PROX1: variants seen among roughly 807,000 people sequenced by gnomAD.
PROX1 encodes prospero homeobox protein 1.
A neutral mutation model predicts 58.8 loss-of-function variants in PROX1; 7 were observed. The ratio of observed to expected loss-of-function variants is 0.12; its 90% CI spans 0.07 to 0.22. The LOEUF (loss-of-function observed/expected upper bound fraction) is 0.22, where lower values mean the gene tolerates loss of function less well. PROX1 is among the 10% of genes least tolerant of loss of function. The pLI is 1.00. For synonymous variants in PROX1, 350 were observed against 358.3 expected, an observed-to-expected ratio of 0.98 and a Z score of 0.26; for missense variants, 675 against 927.8, an observed-to-expected ratio of 0.73 and a Z score of 3.54.
chr1:213,991,563 T>C (rs1407707161), intron 1 of PROX1, among the ~76,000 whole-genome samples: 1 of 152,246 alleles, frequency 6.6e-6, no homozygotes, highest in Admixed American at 6.5e-5. Flanking sequence ...ATATTTTATG[T>C]GTCCATTATG....
rs1017650991 is a variant in PROX1 at position 214,040,204 on chromosome 1, T to C, written c.*4370T>C. 1.3e-5 allele frequency: 2 copies of C among 152,212 alleles called. No individual in the cohort carries two copies. The highest frequency in any genetic ancestry group is 4.8e-5 in the African/African-American group (2 of 41,450). 9.4% of individuals were successfully genotyped at this position (152,212 alleles called of 1,614,324 possible). A position where few individuals can be genotyped will look rare whatever the true frequency, so the allele number is the denominator to read the frequency against. Reference sequence around the variant, plus strand: ...GTAGATCTGTTGGTTGTAAACCATCTATAAAACTAAAGCTAAAATGCTCAT... The same window carrying C: ...GTAGATCTGTTGGTTGTAAACCATCCATAAAACTAAAGCTAAAATGCTCAT... On this transcript the variant is annotated 3_prime_UTR_variant, in exon 5 of 5. Coordinates refer to ENST00000366958, the MANE Select transcript of PROX1 (RefSeq NM_001270616.2).
At chr1:214,012,284 TG>T (rs1663937122) in intron 4 of PROX1, among the ~76,000 whole-genome samples, 1 of 152,194 alleles carries the variant, frequency 6.6e-6, no homozygotes, top group African/African-American at 2.4e-5. Flanking sequence ...TTTCTGTTTT[TG>T]TTCTTTTTGG....
chr1:214,031,148 C>T (rs1237851090), intron 4 of PROX1, among the ~76,000 whole-genome samples: 1 of 152,122 alleles, frequency 6.6e-6, no homozygotes, highest in Non-Finnish European at 1.5e-5. Context: ...CTCTCATTTT[C>T]TGCATTTCAT....
chr1:213,997,394 A>C lies in PROX1; in HGVS notation c.859A>C (p.Arg287=). The change falls in exon 2 of 5, where the codon AGG becomes CGG. Residue 287 remains arginine, a synonymous_variant. Transcript: ENST00000366958. This position sits in a 1 kb window ranked among gnomAD's most constrained non-coding sequence, Gnocchi z 7.1. ...CATGCGCTCGGAGATCCTGGATGCC[A>C]GGGCCCAGGACTCTGTCGGAAGGTC... is the stretch of plus-strand genomic sequence containing the variant. ...DSMRSEILDA[R]AQDSVGRSDN... The C allele has an allele frequency of 6.2e-7, 1 of 1,614,110 alleles. No individual in the cohort carries two copies. Among genetic ancestry groups the C allele is most frequent in the South Asian group, 1.1e-5 (1 of 91,080 alleles).
chr1:214,037,052 T>C lies in PROX1; in HGVS notation c.*1218T>C, dbSNP rs1287346517. On this transcript the variant is annotated 3_prime_UTR_variant, in exon 5 of 5. Transcript: ENST00000366958. ...CAAAATGTGAGAAGAGTGTATAGCATAGGAAAATTTGGGGTTAACCCAAAA... is the reference window on the plus strand; with the variant it reads ...CAAAATGTGAGAAGAGTGTATAGCACAGGAAAATTTGGGGTTAACCCAAAA... 6.6e-6 allele frequency: 1 copy of C among 152,238 alleles called. No individual in the cohort carries two copies. Among genetic ancestry groups the C allele is most frequent in the East Asian group, 1.9e-4 (1 of 5,196 alleles). 9.4% of individuals were successfully genotyped at this position (152,238 alleles called of 1,614,324 possible).
chr1:214,013,977 A>G (rs886869993), intron 4 of PROX1, among the ~76,000 whole-genome samples: 1 of 152,108 alleles, frequency 6.6e-6, no homozygotes, highest in African/African-American at 2.4e-5. Flanking sequence ...TTACACATCC[A>G]TATGCACACA....
At chr1:214,011,124 A>T (rs571568078) in intron 3 of PROX1, among the ~76,000 whole-genome samples, 7 of 152,218 alleles carry the variant, frequency 4.6e-5, no homozygotes, top group Admixed American at 4.6e-4. Context: ...GTCATGTGGC[A>T]CATCACCTCT....
chr1:214,002,531 A>T (rs1489149826), intron 2 of PROX1, among the ~76,000 whole-genome samples: 2 of 151,270 alleles, frequency 1.3e-5, no homozygotes, highest in African/African-American at 4.9e-5. Context: ...AAGAGAATTG[A>T]GGCACAGCCA....
chr1:214,033,205 A>T (rs1664718418), intron 4 of PROX1, among the ~76,000 whole-genome samples: 2 of 152,166 alleles, frequency 1.3e-5, no homozygotes, highest in African/African-American at 2.4e-5. Context: ...CTGCCATGTC[A>T]TGCTGCATCC....
At position 214,035,657 on chromosome 1, in the gene PROX1, G is replaced by A. The variant is rs1204968855; in HGVS notation, c.2037G>A (p.Glu679=). The stretch of plus-strand genomic sequence containing the variant: ...TCTCCTTGTATCAGCAGGTTCCAGA[G>A]AGATTCCTGGAAGTTGCTCAGATCA... The part of the protein sequence containing the change: ...YNKANDFEVP[E]RFLEVAQITL... The change falls in exon 5 of 5, where the codon GAG becomes GAA. Residue 679 remains glutamate (E), a synonymous_variant. Transcript: ENST00000366958. 1.9e-6 allele frequency: 3 copies of A among 1,611,588 alleles called. No homozygotes were observed. Among genetic ancestry groups the A allele is most frequent in the Non-Finnish European group, 1.7e-6 (2 of 1,178,686 alleles).
chr1:214,006,255 C>T (rs1052302438), intron 3 of PROX1, among the ~76,000 whole-genome samples: 2 of 152,130 alleles, frequency 1.3e-5, no homozygotes, highest in African/African-American at 2.4e-5. Flanking sequence ...CTGCTCCCCG[C>T]ACGCAGCTTG....
chr1:213,998,320 G>A lies in PROX1; in HGVS notation c.1725+60G>A. The A allele has an allele frequency of 4.0e-6, 6 of 1,498,952 alleles. No homozygotes were observed. In the South Asian group the frequency reaches 8.3e-5, roughly 21 times the overall value. 92.9% of individuals were successfully genotyped at this position (1,498,952 alleles called of 1,614,324 possible). A position where few individuals can be genotyped will look rare whatever the true frequency, so the allele number is the denominator to read the frequency against. On this transcript the variant is annotated intron_variant, in intron 2 of 4. Coordinates refer to ENST00000366958, the MANE Select transcript of PROX1 (RefSeq NM_001270616.2). Reference sequence around the variant, plus strand: ...ACCAAAAAAGGTTTCCCAAAAGGTTGGGTTTACACAATATCTAGAGTAATG... The same window carrying A: ...ACCAAAAAAGGTTTCCCAAAAGGTTAGGTTTACACAATATCTAGAGTAATG...
At chr1:213,987,324 C>T (rs1662847720), upstream of PROX1, 1 of 152,016 alleles carries the variant, frequency 6.6e-6, no homozygotes, top group Admixed American at 6.6e-5. Context: ...GTCCACCTCC[C>T]CTTTAAAAGG....
intron 4 of PROX1, among the ~76,000 whole-genome samples, chr1:214,025,852 C>T (rs1471836477): frequency 2.6e-5 from 4 of 151,972 alleles, no homozygotes; most frequent in Non-Finnish European, 5.9e-5. Flanking sequence ...CTAGTAGAGA[C>T]GGGGTTTCAC....
upstream of PROX1, chr1:213,985,078 T>C (rs922032368): frequency 6.6e-6 from 1 of 152,166 alleles, no homozygotes; most frequent in Non-Finnish European, 1.5e-5. Context: ...AATAAGTAAA[T>C]GCAACCTGCA....
intron 3 of PROX1, among the ~76,000 whole-genome samples, chr1:214,010,188 C>T (rs1663859215): frequency 6.6e-6 from 1 of 151,996 alleles, no homozygotes; most frequent in South Asian, 2.1e-4. Flanking sequence ...CAAGCAGAAG[C>T]GATTTGCTGA....
At position 213,998,306 on chromosome 1, in the gene PROX1, T is replaced by C. The variant is rs756309639; in HGVS notation, c.1725+46T>C. On this transcript the variant is annotated intron_variant, in intron 2 of 4. Coordinates refer to ENST00000366958, the MANE Select transcript of PROX1 (RefSeq NM_001270616.2). Reference sequence around the variant, plus strand: ...CGAGGAAAAAACAAACCAAAAAAGGTTTCCCAAAAGGTTGGGTTTACACAA... The same window carrying C: ...CGAGGAAAAAACAAACCAAAAAAGGCTTCCCAAAAGGTTGGGTTTACACAA... 10 of 1,512,630 alleles carry C rather than the reference T, an allele frequency of 6.6e-6. No individual in the cohort carries two copies. The East Asian group carries it at 1.6e-4, about 24-fold the overall frequency. The allele number at this position is 1,512,630 out of a possible 1,614,324, so 93.7% of individuals were successfully genotyped here. A position where few individuals can be genotyped will look rare whatever the true frequency, so the allele number is the denominator to read the frequency against.
chr1:214,001,522 T>TTA (rs1345569744), intron 2 of PROX1, among the ~76,000 whole-genome samples: 2 of 151,858 alleles, frequency 1.3e-5, no homozygotes, highest in Admixed American at 6.6e-5. Flanking sequence ...ACAAGAGGAG[T>TTA]AGTATAAGCC....
chr1:213,997,861 T>C lies in PROX1; in HGVS notation c.1326T>C (p.Val442=), dbSNP rs1444178307. ...ACCAGACAGAAGCACTGCCCCTGGT[T>C]GTCCGCAAAAACTCCTCTGACCAGT... ...STDQTEALPL[V]VRKNSSDQSA... The change falls in exon 2 of 5, where the codon GTT becomes GTC. Residue 442 remains valine (V), a synonymous_variant. Transcript: ENST00000366958. This position sits in a 1 kb window ranked among gnomAD's most constrained non-coding sequence, Gnocchi z 7.1. 2.5e-6 allele frequency: 4 copies of C among 1,613,228 alleles called. No homozygotes were observed. The highest frequency in any genetic ancestry group is 2.5e-6 in the Non-Finnish European group (3 of 1,179,548).
Sources: gnomAD v4.1 joint callset for allele counts (sites outside exome capture counted in the v4.1 genomes callset) on GRCh38, gnomAD v4.1.1 for gene constraint, Gnocchi (gnomAD v3.1) non-coding constraint, MANE v1.5 for transcripts, NCBI Gene and HGNC (gene_info 2026-07-23, HGNC 2026-07-21) for gene names.